Variants in MET observed in about 807,000 individuals in gnomAD.
MET encodes the protein hepatocyte growth factor receptor.
Under a neutral mutation model 133.1 loss-of-function variants are expected in MET, and 48 were observed. That is an observed-to-expected ratio of 0.36 (90% confidence interval 0.29 to 0.46). The LOEUF (loss-of-function observed/expected upper bound fraction) is 0.46, where lower values mean the gene tolerates loss of function less well. Among genes scored for constraint, MET ranks in the 20% least tolerant of loss-of-function variants. The pLI, the probability that MET is intolerant of heterozygous loss-of-function variation, is 1.00. For missense variants in MET, 1,442 were observed against 1,695.9 expected, an observed-to-expected ratio of 0.85 and a Z score of 2.63; for synonymous variants, 628 against 616.5, an observed-to-expected ratio of 1.02 and a Z score of -0.28.
At chr7:116,756,717 C>T (rs919080129) in intron 6 of MET, among the ~76,000 whole-genome samples, 1 of 152,014 alleles carries the variant, frequency 6.6e-6, no homozygotes, top group African/African-American at 2.4e-5. Context: ...CAAGTATAAC[C>T]ACAGAAATGT....
Position 116,789,441 on chromosome 7 carries a change from A to C in MET, c.3798+5972A>C, listed in dbSNP as rs570351099. On this transcript the variant is annotated intron_variant, in intron 19 of 20. Coordinates refer to ENST00000397752, the MANE Select transcript of MET (RefSeq NM_000245.4). Reference sequence around the variant, plus strand: ...AATTTACCCACTCCTCATTCTTTTCAGTGTTCGGTTTTTCAGGTTTTGACA... The same window carrying C: ...AATTTACCCACTCCTCATTCTTTTCCGTGTTCGGTTTTTCAGGTTTTGACA... 7.2e-5 allele frequency among the ~76,000 whole-genome samples: 11 copies of C among 152,216 alleles called. No homozygotes were observed. In the East Asian group the frequency reaches 2.1e-3, roughly 29 times the overall value.
chr7:116,687,170 C>T (rs1044203064), intron 1 of MET, among the ~76,000 whole-genome samples: 1 of 152,204 alleles, frequency 6.6e-6, no homozygotes, highest in Non-Finnish European at 1.5e-5. Context: ...CACATACCGC[C>T]TATATACACA....
At chr7:116,767,640 G>T (rs1268054380) in intron 11 of MET, among the ~76,000 whole-genome samples, 1 of 152,054 alleles carries the variant, frequency 6.6e-6, no homozygotes, top group East Asian at 1.9e-4. Flanking sequence ...TTAAAGATCA[G>T]AAAGCTCTCT....
chr7:116,790,131 C>T (rs969365355), intron 19 of MET, among the ~76,000 whole-genome samples: 1 of 152,208 alleles, frequency 6.6e-6, no homozygotes, highest in East Asian at 1.9e-4. Flanking sequence ...AAGACATGAT[C>T]TTGTTCCTTT....
intron 1 of MET, among the ~76,000 whole-genome samples, chr7:116,696,479 T>C (rs1383138195): frequency 6.6e-6 from 1 of 152,244 alleles, no homozygotes; most frequent in Non-Finnish European, 1.5e-5. Flanking sequence ...CTGATACTAC[T>C]ATAGAAACTA....
At chr7:116,787,111 GA>G (rs1446254278) in intron 19 of MET, among the ~76,000 whole-genome samples, 2 of 152,220 alleles carry the variant, frequency 1.3e-5, no homozygotes, top group East Asian at 3.8e-4. Context: ...AGATTGGTAA[GA>G]GAAAGTGATA....
intron 2 of MET, among the ~76,000 whole-genome samples, chr7:116,723,737 C>A (rs188174496): frequency 1.3e-5 from 2 of 152,120 alleles, no homozygotes; most frequent in African/African-American, 4.8e-5. Flanking sequence ...TTGGAGTACC[C>A]TGCCGTGTGA....
intron 2 of MET, among the ~76,000 whole-genome samples, chr7:116,705,827 TC>T (rs1445787783): frequency 6.6e-6 from 1 of 152,136 alleles, no homozygotes; most frequent in African/African-American, 2.4e-5. Context: ...TCCATGCTAC[TC>T]ATTCCACGAA....
intron 12 of MET, among the ~76,000 whole-genome samples, chr7:116,770,941 G>A (rs1049862443): frequency 1.3e-5 from 2 of 152,094 alleles, no homozygotes; most frequent in Non-Finnish European, 2.9e-5. Context: ...AATTTCAGAA[G>A]GACCATAAAT....
At chr7:116,744,922 T>C (rs1584927514) in intron 5 of MET, among the ~76,000 whole-genome samples, 1 of 152,336 alleles carries the variant, frequency 6.6e-6, no homozygotes, top group Middle Eastern at 3.4e-3. Flanking sequence ...TTGGAATTTC[T>C]GGCCAGGACA....
At chr7:116,761,455 T>G (rs1358931345) in intron 10 of MET, among the ~76,000 whole-genome samples, 1 of 152,210 alleles carries the variant, frequency 6.6e-6, no homozygotes, top group East Asian at 1.9e-4. Flanking sequence ...CTGACCATGA[T>G]GAATTGAACC....
Position 116,783,289 on chromosome 7 carries a change from T to G in MET, c.3633-15T>G. The G allele has an allele frequency of 6.2e-7, 1 of 1,614,082 alleles. No homozygotes were observed. The highest frequency in any genetic ancestry group is 1.7e-5 in the Admixed American group (1 of 60,032). ...CTATTTCAGCCACGGGTAATAATTT[T>G]TGTCCTTTCTGTAGGCTGGATGAAA... is the stretch of plus-strand genomic sequence containing the variant. On this transcript the variant is annotated splice_polypyrimidine_tract_variant and intron_variant, in intron 18 of 20. Transcript: ENST00000397752.
chr7:116,785,392 A>G (rs1236792774), intron 19 of MET, among the ~76,000 whole-genome samples: 1 of 152,212 alleles, frequency 6.6e-6, no homozygotes, highest in Admixed American at 6.5e-5. Flanking sequence ...CTTGCATGGC[A>G]GGAGCAGGAC....
At chr7:116,685,647 C>G (rs1008894100) in intron 1 of MET, among the ~76,000 whole-genome samples, 96 of 152,194 alleles carry the variant, frequency 6.3e-4, no homozygotes, top group African/African-American at 2.3e-3. Flanking sequence ...CACCACATCA[C>G]TGCACTCCAG....
intron 5 of MET, among the ~76,000 whole-genome samples, chr7:116,747,378 A>G (rs1246574762): frequency 6.6e-6 from 1 of 152,184 alleles, no homozygotes; most frequent in Non-Finnish European, 1.5e-5. Context: ...TATTCAGGAG[A>G]CCCATCTCAC....
At chr7:116,692,209 A>G (rs1796801702) in intron 1 of MET, among the ~76,000 whole-genome samples, 1 of 152,220 alleles carries the variant, frequency 6.6e-6, no homozygotes, top group African/African-American at 2.4e-5. Context: ...GAAACACAGG[A>G]TAATGCTTAC....
chr7:116,673,601 T>C (rs960761852), intron 1 of MET, among the ~76,000 whole-genome samples: 5 of 152,346 alleles, frequency 3.3e-5, no homozygotes, highest in South Asian at 2.1e-4. Context: ...GCCAGACACA[T>C]GCACATTGCC....
At position 116,794,088 on chromosome 7, in the gene MET, A is replaced by T. The variant is rs148663970; in HGVS notation, c.3799-1567A>T. Among the ~76,000 whole-genome samples, 21 of 151,860 alleles carry T rather than the reference A, an allele frequency of 1.4e-4. 1 individual carries two copies. The East Asian group carries it at 4.1e-3, about 29-fold the overall frequency. On this transcript the variant is annotated intron_variant, in intron 19 of 20. Transcript: ENST00000397752. ...TCAGTACCCTACTATTATCTCTTTG[A>T]CTTTTGGCAACCTTTGTACCTCTTT... is the stretch of plus-strand genomic sequence containing the variant.
At chr7:116,719,607 G>C (rs2116703507) in intron 2 of MET, among the ~76,000 whole-genome samples, 1 of 152,278 alleles carries the variant, frequency 6.6e-6, no homozygotes, top group South Asian at 2.1e-4. Context: ...TTCTTCTAGG[G>C]TTTTTATGGT....
Sources: allele counts gnomAD v4.1 joint callset (sites outside exome capture counted in the v4.1 genomes callset), GRCh38; gene constraint gnomAD v4.1.1; transcripts MANE v1.5; gene names NCBI Gene and HGNC (gene_info 2026-07-23, HGNC 2026-07-21).